AKAP13: variants seen among roughly 807,000 people sequenced by gnomAD.
The protein encoded by AKAP13 is A-kinase anchoring protein 13.
A neutral mutation model predicts 264.5 loss-of-function variants in AKAP13; 80 were observed. The ratio of observed to expected loss-of-function variants is 0.30; its 90% confidence interval spans 0.25 to 0.36. AKAP13 has a LOEUF of 0.36. Among genes scored for constraint, AKAP13 ranks in the 10% least tolerant of loss-of-function variants. The pLI, the probability that AKAP13 is intolerant of heterozygous loss-of-function variation, is 1.00. For synonymous variants in AKAP13, 1,380 were observed against 1,250.2 expected (o/e 1.10, Z -2.19); for missense variants, 3,712 against 3,435.2 (o/e 1.08, Z -2.01).
chr15:85,533,672 T>C lies in AKAP13; in HGVS notation c.270T>C (p.His90=), dbSNP rs757226810. 6.8e-6 allele frequency: 11 copies of C among 1,614,080 alleles called. No individual in the cohort carries two copies. Among genetic ancestry groups the C allele is most frequent in the Non-Finnish European group, 9.3e-6 (11 of 1,180,038 alleles). ...PVFVVAEEDF[H]FVQDEAYDAA... is the part of the protein sequence containing the mutation. ...TTGTGGTGGCTGAAGAAGACTTTCA[T>C]TTCGTCCAGGATGAAGCGTATGATG... is the stretch of plus-strand genomic sequence containing the variant. The change falls in exon 4 of 37, where the codon CAT becomes CAC. Residue 90 remains histidine, a synonymous_variant. Coordinates refer to ENST00000394518, the MANE Select transcript of AKAP13 (RefSeq NM_007200.5).
intron 20 of AKAP13, 147 bp downstream of exon 20, chr15:85,716,070 A>T: frequency 1.0e-6 from 1 of 984,878 alleles, no homozygotes; most frequent in Non-Finnish European, 1.4e-6. Context: ...GATGGGGATT[A>T]TGTTTCTGAT....
intron 25 of AKAP13, 74 bp downstream of exon 25, chr15:85,722,421 C>A: frequency 8.3e-7 from 1 of 1,201,504 alleles, no homozygotes; most frequent in Non-Finnish European, 1.2e-6. Context: ...CTGGAAGCCC[C>A]ATGGAAGTGC....
intron 1 of AKAP13, among the ~76,000 whole-genome samples, chr15:85,472,198 T>TA (rs33991348): frequency 0.32 from 44,466 of 138,238 alleles, 8,670 homozygotes; most frequent in Non-Finnish European, 0.45. Flanking sequence ...TATACTAGGT[T>TA]AAAAAAAAAA....
intron 8 of AKAP13, among the ~76,000 whole-genome samples, chr15:85,588,501 A>G (rs941100455): frequency 5.3e-5 from 8 of 152,200 alleles, no homozygotes; most frequent in Non-Finnish European, 7.3e-5. Flanking sequence ...TATTGTAGTG[A>G]TTAGAGTCAT....
rs762496945 is a variant in AKAP13 at position 85,743,785 on chromosome 15, G to GA, written c.8360dup (p.Lys2788GlufsTer11). Reference sequence around the variant, plus strand: ...TAACAAAGCCAAAGGAAAAGAAGGAGAAAAAAAAGAAGAACAAAACCAGCC... The same window carrying GA: ...TAACAAAGCCAAAGGAAAAGAAGGAGAAAAAAAAAGAAGAACAAAACCAGCC... On this transcript the variant is annotated frameshift_variant, in exon 36 of 37. Transcript: ENST00000394518. LOFTEE classifies it high-confidence loss of function. 1.9e-6 allele frequency: 3 copies of GA among 1,607,684 alleles called. No individual in the cohort carries two copies. Among genetic ancestry groups the GA allele is most frequent in the Non-Finnish European group, 2.5e-6 (3 of 1,178,156 alleles).
intron 8 of AKAP13, among the ~76,000 whole-genome samples, chr15:85,616,085 G>T (rs910289475): frequency 6.6e-6 from 1 of 152,146 alleles, no homozygotes; most frequent in Non-Finnish European, 1.5e-5. Flanking sequence ...TCACTTTGGG[G>T]TTTCAGGAAA....
intron 1 of AKAP13, among the ~76,000 whole-genome samples, chr15:85,382,479 G>A (rs943945964): frequency 2.0e-5 from 3 of 152,174 alleles, no homozygotes; most frequent in Admixed American, 2.0e-4. Context: ...TGGTTGTGTG[G>A]TTTTGTGTGT....
At chr15:85,544,279 C>T (rs2077662298) in intron 5 of AKAP13, 5 of 411,916 alleles carry the variant, frequency 1.2e-5, no homozygotes, top group South Asian at 7.9e-5. Context: ...CCAATGTATA[C>T]AGTTTATCCT....
intron 33 of AKAP13, among the ~76,000 whole-genome samples, chr15:85,736,402 A>G (rs2088504026): frequency 6.8e-6 from 1 of 147,496 alleles, no homozygotes. Context: ...TCTGTCCTTA[A>G]GGAAGCCTCT....
At chr15:85,662,581 A>G (rs986648577) in intron 12 of AKAP13, 5 of 1,038,122 alleles carry the variant, frequency 4.8e-6, no homozygotes, top group Non-Finnish European at 7.4e-6. Context: ...CTGTGAGCAC[A>G]GCATTTCATT....
rs576034809 is a variant in AKAP13 at position 85,477,379 on chromosome 15, T to C, written c.-11-8331T>C. Among the ~76,000 whole-genome samples the C allele has an allele frequency of 2.6e-5, 4 of 151,842 alleles. No individual in the cohort carries two copies. The South Asian group carries it at 8.3e-4, about 32-fold the overall frequency. ...AAGACCCCTTCTACCTGTAAGTTCTTGTAATTTGGGATTGGGATTAAGAAA... is the reference window on the plus strand; with the variant it reads ...AAGACCCCTTCTACCTGTAAGTTCTCGTAATTTGGGATTGGGATTAAGAAA... On this transcript the variant is annotated intron_variant, in intron 1 of 36. Transcript: ENST00000394518.
At chr15:85,410,588 C>A (rs1355857673) in intron 1 of AKAP13, among the ~76,000 whole-genome samples, 1 of 151,522 alleles carries the variant, frequency 6.6e-6, no homozygotes, top group African/African-American at 2.4e-5. Context: ...GGCATTTTAT[C>A]TTCCTTGGAC....
intron 12 of AKAP13, among the ~76,000 whole-genome samples, chr15:85,661,436 C>T (rs2083341539): frequency 6.6e-6 from 1 of 152,076 alleles, no homozygotes; most frequent in Non-Finnish European, 1.5e-5. Flanking sequence ...TTTTTATTAT[C>T]AGCCAGGTGC....
intron 5 of AKAP13, among the ~76,000 whole-genome samples, chr15:85,558,681 AAC>A (rs2078238056): frequency 6.6e-6 from 1 of 152,162 alleles, no homozygotes; most frequent in African/African-American, 2.4e-5. Flanking sequence ...AGCTGATTTT[AAC>A]GTTCACCATT....
intron 8 of AKAP13, among the ~76,000 whole-genome samples, chr15:85,593,162 A>G (rs1433374581): frequency 6.6e-6 from 1 of 152,146 alleles, no homozygotes; most frequent in Non-Finnish European, 1.5e-5. Flanking sequence ...ATGCAAAAAA[A>G]TTAGCAGGGC....
At chr15:85,465,606 G>T (rs930145082) in intron 1 of AKAP13, among the ~76,000 whole-genome samples, 15 of 148,798 alleles carry the variant, frequency 1.0e-4, no homozygotes, top group Admixed American at 8.8e-4. Flanking sequence ...GCGGTGTTTG[G>T]TTTTTTTGTC....
chr15:85,459,517 TG>T (rs2074423539), intron 1 of AKAP13, among the ~76,000 whole-genome samples: 1 of 148,002 alleles, frequency 6.8e-6, no homozygotes, highest in Admixed American at 6.7e-5. Flanking sequence ...CTTTTTTTTT[TG>T]AGATGGAGTC....
At chr15:85,562,955 C>G (rs2078457669) in intron 5 of AKAP13, among the ~76,000 whole-genome samples, 1 of 151,058 alleles carries the variant, frequency 6.6e-6, no homozygotes, top group African/African-American at 2.4e-5. Flanking sequence ...CTCAGGTGAT[C>G]CACCTGCTTC....
chr15:85,689,694 A>G (rs2085163412), intron 16 of AKAP13, among the ~76,000 whole-genome samples: 1 of 152,338 alleles, frequency 6.6e-6, no homozygotes, highest in Admixed American at 6.5e-5. Context: ...TGTGTTCCTT[A>G]ACTTCCCGTG....
Sources: gnomAD v4.1 joint callset for allele counts (sites outside exome capture counted in the v4.1 genomes callset) on GRCh38, gnomAD v4.1.1 for gene constraint, MANE v1.5 for transcripts, NCBI Gene and HGNC (gene_info 2026-07-23, HGNC 2026-07-21) for gene names.